The following WWOX variants were observed in gnomAD, a reference collection of about 807,000 sequenced individuals.
WWOX encodes WW domain containing oxidoreductase.
A neutral mutation model predicts 46.2 loss-of-function variants in WWOX; 69 were observed. The ratio of observed to expected loss-of-function variants is 1.49; its 90% CI spans 1.23 to 1.82. WWOX has a LOEUF of 1.82. Among genes scored for constraint, WWOX ranks in the 40% most tolerant of loss-of-function variants. The pLI is 0.00. For missense variants in WWOX, 919 were observed against 542.6 expected, an observed-to-expected ratio of 1.69 and a Z score of -6.89; for synonymous variants, 359 against 202.6, an observed-to-expected ratio of 1.77 and a Z score of -6.56.
chr16:78,862,980 G>A (rs1253450820), intron 8 of WWOX, among the ~76,000 whole-genome samples: 3 of 129,562 alleles, frequency 2.3e-5, no homozygotes, highest in African/African-American at 2.9e-5. Flanking sequence ...TTTTTTTTGA[G>A]ATGGAGTCTT....
chr16:79,200,321 C>G lies in WWOX; in HGVS notation c.1057-11287C>G, dbSNP rs9927342. ...CCAGGCAGGAAATAAGTATCCCGCTCTCAGATCTGAGGCCAGATTTTCAAG... is the reference window on the plus strand; with the variant it reads ...CCAGGCAGGAAATAAGTATCCCGCTGTCAGATCTGAGGCCAGATTTTCAAG... On this transcript the variant is annotated intron_variant, in intron 8 of 8. Transcript: ENST00000566780. Among the ~76,000 whole-genome samples, 28 of 152,290 alleles carry G rather than the reference C, an allele frequency of 1.8e-4. No homozygotes were observed. In the East Asian group the frequency reaches 5.4e-3, roughly 29 times the overall value.
intron 8 of WWOX, among the ~76,000 whole-genome samples, chr16:78,934,528 A>AG (rs1354327889): frequency 1.3e-4 from 20 of 149,670 alleles, no homozygotes; most frequent in African/African-American, 4.7e-4. Flanking sequence ...AAAAAAAAAA[A>AG]AAAGAAACAC....
chr16:78,120,185 C>G (rs1476463111), intron 4 of WWOX, among the ~76,000 whole-genome samples: 2 of 152,116 alleles, frequency 1.3e-5, no homozygotes, highest in African/African-American at 2.4e-5. Flanking sequence ...TGCATACTTA[C>G]ATATCAAAAT....
In WWOX at chr16:78,604,940, CTCCCTTCTTTCCT is replaced by C. The variant is rs1241813528; in HGVS notation, c.1056+172192_1056+172204del. Among the ~76,000 whole-genome samples the C allele has an allele frequency of 2.0e-3, 24 of 11,718 alleles. 2 individuals carry two copies. Among genetic ancestry groups the C allele is most frequent in the African/African-American group, 0.012 (23 of 1,918 alleles). 7.7% of individuals were successfully genotyped at this position (11,718 alleles called of 152,430 possible). On this transcript the variant is annotated intron_variant, in intron 8 of 8. Transcript: ENST00000566780. ...CCTCCCTGTCTTCTTCCCTCCCTCC[CTCCCTTCTTTCCT>C]TCCTTTCTTTCCTTCCTTTCTTTCC...
rs562265545 is a variant in WWOX, at chr16:78,981,894, C to G, written c.1057-229714C>G. 2 of 152,334 alleles carry G rather than the reference C, an allele frequency of 1.3e-5. 1 individual carries two copies. The highest frequency in any genetic ancestry group is 3.9e-4 in the East Asian group (2 of 5,174). 9.4% of individuals were successfully genotyped at this position (152,334 alleles called of 1,614,324 possible). ...ACTTTGCCAGGTGCCCCCCGAAAAG[C>G]AAGAAGACTCCTTCAAGCATCCTGA... On this transcript the variant is annotated intron_variant, in intron 8 of 8. Transcript: ENST00000566780.
chr16:78,991,908 C>A (rs543002621), intron 8 of WWOX, among the ~76,000 whole-genome samples: 1 of 152,176 alleles, frequency 6.6e-6, no homozygotes, highest in Non-Finnish European at 1.5e-5. Context: ...TTCCTTTGTT[C>A]CCGCCTAACA....
chr16:78,391,979 C>G (rs376187836), intron 6 of WWOX, among the ~76,000 whole-genome samples: 2 of 149,782 alleles, frequency 1.3e-5, no homozygotes, highest in Admixed American at 6.7e-5. Flanking sequence ...CATTTTTAAT[C>G]TATAGGTTTT....
At chr16:78,119,579 A>G (rs901242708) in intron 4 of WWOX, among the ~76,000 whole-genome samples, 10 of 151,928 alleles carry the variant, frequency 6.6e-5, no homozygotes, top group African/African-American at 2.4e-4. Context: ...CAGATTTATT[A>G]TCATATTTAC....
At chr16:78,808,878 G>T (rs1398891051) in intron 8 of WWOX, among the ~76,000 whole-genome samples, 2 of 152,142 alleles carry the variant, frequency 1.3e-5, no homozygotes, top group East Asian at 1.9e-4. Context: ...AAATATAGTT[G>T]TGTGGCTTGG....
At chr16:78,909,274 G>C (rs2045047225) in intron 8 of WWOX, among the ~76,000 whole-genome samples, 2 of 152,156 alleles carry the variant, frequency 1.3e-5, no homozygotes, top group Non-Finnish European at 2.9e-5. Context: ...AACATTAAGA[G>C]ACAGGCACTT....
intron 8 of WWOX, among the ~76,000 whole-genome samples, chr16:78,975,673 A>G (rs2046557393): frequency 6.6e-6 from 1 of 152,082 alleles, no homozygotes; most frequent in Non-Finnish European, 1.5e-5. Flanking sequence ...CCCTGGATGT[A>G]TTGTCACCCC....
chr16:78,829,221 T>G (rs2051746277), intron 8 of WWOX, among the ~76,000 whole-genome samples: 1 of 152,142 alleles, frequency 6.6e-6, no homozygotes, highest in African/African-American at 2.4e-5. Flanking sequence ...CACACAATTA[T>G]GGAAGCCCAG....
At chr16:79,139,285 G>C (rs1438332097) in intron 8 of WWOX, among the ~76,000 whole-genome samples, 1 of 152,200 alleles carries the variant, frequency 6.6e-6, no homozygotes, top group African/African-American at 2.4e-5. Flanking sequence ...GTTAAGCCAG[G>C]AGAGATTTAC....
chr16:78,210,355 T>G (rs528195230), intron 5 of WWOX, among the ~76,000 whole-genome samples: 2 of 152,192 alleles, frequency 1.3e-5, no homozygotes, highest in African/African-American at 2.4e-5. Context: ...CCCTGCATCA[T>G]GAGACTGTCA....
rs78891306 is a variant in WWOX, at chr16:78,425,283, T to A, written c.791+228T>A. Among the ~76,000 whole-genome samples, 5,073 of 152,242 alleles carry A rather than the reference T, an allele frequency of 0.033. 213 individuals carry two copies. The highest frequency in any genetic ancestry group is 0.089 in the East Asian group (462 of 5,178). ...GGAAGATTGTTTTTACGACTATACT[T>A]CAAGCTCCTCATTGATTTTGCTTAG... On this transcript the variant is annotated intron_variant, in intron 7 of 8. Transcript: ENST00000566780.
intron 8 of WWOX, among the ~76,000 whole-genome samples, chr16:78,935,851 G>A (rs1408387661): frequency 1.3e-5 from 2 of 152,102 alleles, no homozygotes; most frequent in Admixed American, 1.3e-4. Flanking sequence ...GGTAGAGGCT[G>A]CAGTGAGCTC....
chr16:78,967,108 TGG>T (rs1301229322), intron 8 of WWOX, among the ~76,000 whole-genome samples: 1 of 152,114 alleles, frequency 6.6e-6, no homozygotes, highest in Admixed American at 6.6e-5. Context: ...CATCTGTCCC[TGG>T]GTTATCTGAT....
rs986933281 is a variant in WWOX at position 78,996,152 on chromosome 16, T to TG, written c.1057-215456_1057-215455insG. 1.5e-5 allele frequency: 11 copies of TG among 724,036 alleles called. No individual in the cohort carries two copies. In the Admixed American group the frequency reaches 1.0e-3, roughly 66 times the overall value. The allele number at this position is 724,036 out of a possible 1,614,324, so 44.9% of individuals were successfully genotyped here. A position where few individuals can be genotyped will look rare whatever the true frequency, so the allele number is the denominator to read the frequency against. ...AGGCGTAGAATGTTCTTTTTTTTAA[T>TG]TTTTTTTTTAACGAAACTCACATCT... On this transcript the variant is annotated intron_variant, in intron 8 of 8. Transcript: ENST00000566780.
chr16:78,888,882 T>C lies in WWOX; in HGVS notation c.1057-322726T>C, dbSNP rs367671292. Among the ~76,000 whole-genome samples, 5 of 152,212 alleles carry C rather than the reference T, an allele frequency of 3.3e-5. No individual in the cohort carries two copies. The East Asian group carries it at 7.7e-4, about 24-fold the overall frequency. On this transcript the variant is annotated intron_variant, in intron 8 of 8. Transcript: ENST00000566780. Reference sequence around the variant, plus strand: ...CCCAGCAGTATTTCTGTTTACTCGATCTAATTTCTCTTCCATTCCTCACAG... The same window carrying C: ...CCCAGCAGTATTTCTGTTTACTCGACCTAATTTCTCTTCCATTCCTCACAG...
Sources: gnomAD v4.1 joint callset for allele counts (sites outside exome capture counted in the v4.1 genomes callset) on GRCh38, gnomAD v4.1.1 for gene constraint, MANE v1.5 for transcripts, NCBI Gene and HGNC (gene_info 2026-07-23, HGNC 2026-07-21) for gene names.